KIAA1217: variants seen among roughly 807,000 people sequenced by gnomAD.
KIAA1217 encodes the protein sickle tail protein homolog.
A neutral mutation model predicts 163.9 loss-of-function variants in KIAA1217; 88 were observed. The ratio of observed to expected loss-of-function variants is 0.54; its 90% confidence interval spans 0.45 to 0.64. KIAA1217 has a LOEUF of 0.64. Ranked by LOEUF, KIAA1217 falls within the 30% of genes least tolerant of loss-of-function variation. The pLI, the probability that KIAA1217 is intolerant of heterozygous loss-of-function variation, is 0.00. For missense variants in KIAA1217, 2,372 were observed against 2,475.0 expected (o/e 0.96, Z 0.88); for synonymous variants, 903 against 923.1 (o/e 0.98, Z 0.39).
chr10:23,824,658 A>AAAAATATAT (rs1837805755), intron 1 of KIAA1217, among the ~76,000 whole-genome samples: 1 of 53,038 alleles, frequency 1.9e-5, no homozygotes, highest in Non-Finnish European at 3.6e-5. Context: ...AAATAAAAAA[A>AAAAATATAT]ATATATATAT....
At chr10:24,379,583 G>A (rs1357309780) in intron 2 of KIAA1217, among the ~76,000 whole-genome samples, 1 of 152,142 alleles carries the variant, frequency 6.6e-6, no homozygotes, top group East Asian at 1.9e-4. Flanking sequence ...TCTGGATAAT[G>A]CAATTGGTTC....
At chr10:23,704,021 G>A (rs947078957) in intron 1 of KIAA1217, among the ~76,000 whole-genome samples, 1 of 150,018 alleles carries the variant, frequency 6.7e-6, no homozygotes, top group African/African-American at 2.4e-5. Flanking sequence ...ATCAGGGTGG[G>A]TCTTTGGAAA....
At chr10:23,881,138 C>T (rs1487566325) in intron 1 of KIAA1217, among the ~76,000 whole-genome samples, 1 of 151,426 alleles carries the variant, frequency 6.6e-6, no homozygotes, top group Admixed American at 6.6e-5. Context: ...TAGTAGTTCA[C>T]TATGGTGTGA....
Position 24,259,951 on chromosome 10 carries a change from A to G in KIAA1217, c.354+40042A>G, listed in dbSNP as rs536666470. Among the ~76,000 whole-genome samples, 1,265 of 152,324 alleles carry G rather than the reference A, an allele frequency of 8.3e-3. 10 individuals carry two copies. Among genetic ancestry groups the G allele is most frequent in the South Asian group, 0.026 (125 of 4,830 alleles). On this transcript the variant is annotated intron_variant, in intron 2 of 20. Coordinates refer to ENST00000376454, the MANE Select transcript of KIAA1217 (RefSeq NM_019590.5). ...CATTCCATCTGTTGTGTTTTGGCAC[A>G]AGTGCTCAAAAGAGCTCAGGTGTCT...
chr10:24,409,841 G>T (rs1416530035), intron 3 of KIAA1217, among the ~76,000 whole-genome samples: 1 of 151,982 alleles, frequency 6.6e-6, no homozygotes, highest in Non-Finnish European at 1.5e-5. Context: ...GAGAGCATAC[G>T]ATGTTTGGTT....
intron 1 of KIAA1217, among the ~76,000 whole-genome samples, chr10:23,744,608 A>T (rs1839295734): frequency 6.6e-6 from 1 of 152,224 alleles, no homozygotes; most frequent in South Asian, 2.1e-4. Flanking sequence ...AAAAGGCATG[A>T]TGGAAATGAT....
chr10:23,948,082 G>A (rs754579167), intron 1 of KIAA1217, among the ~76,000 whole-genome samples: 11 of 152,062 alleles, frequency 7.2e-5, no homozygotes, highest in South Asian at 2.1e-4. Flanking sequence ...GTTTGCTTTC[G>A]TGAGGTTGTT....
At chr10:24,429,630 C>A (rs960203267) in intron 3 of KIAA1217, among the ~76,000 whole-genome samples, 6 of 152,120 alleles carry the variant, frequency 3.9e-5, no homozygotes, top group Admixed American at 2.0e-4. Flanking sequence ...TCCAAATGCT[C>A]CCCCTTTTTC....
intron 2 of KIAA1217, among the ~76,000 whole-genome samples, chr10:24,340,212 C>T (rs1014996118): frequency 9.2e-5 from 14 of 152,114 alleles, no homozygotes; most frequent in South Asian, 2.1e-4. Context: ...ATGGCTTGGC[C>T]GTGTCCCCAC....
intron 3 of KIAA1217, among the ~76,000 whole-genome samples, chr10:24,384,772 G>A (rs544092740): frequency 1.4e-4 from 21 of 152,344 alleles, no homozygotes; most frequent in Admixed American, 3.3e-4. Context: ...TCCTGACCTC[G>A]TGATCCGCCT....
At chr10:24,515,429 G>A (rs936078561) in intron 10 of KIAA1217, among the ~76,000 whole-genome samples, 1 of 152,110 alleles carries the variant, frequency 6.6e-6, no homozygotes, top group Non-Finnish European at 1.5e-5. Flanking sequence ...CTCACTTCTG[G>A]CCTAGAAAAG....
intron 1 of KIAA1217, among the ~76,000 whole-genome samples, chr10:23,821,583 AT>A (rs1289423221): frequency 6.6e-6 from 1 of 152,204 alleles, no homozygotes; most frequent in African/African-American, 2.4e-5. Context: ...CCTTCTTTTA[AT>A]AGCCAGTTTC....
At chr10:23,732,042 T>C (rs921711111) in intron 1 of KIAA1217, among the ~76,000 whole-genome samples, 3 of 152,148 alleles carry the variant, frequency 2.0e-5, no homozygotes, top group African/African-American at 7.2e-5. Context: ...ATAGTATTAA[T>C]CTATAGTTTT....
intron 1 of KIAA1217, among the ~76,000 whole-genome samples, chr10:23,984,870 T>C (rs1845908187): frequency 6.6e-6 from 1 of 151,842 alleles, no homozygotes; most frequent in African/African-American, 2.4e-5. Context: ...ATGGCACATC[T>C]ATACCTATAT....
intron 5 of KIAA1217, among the ~76,000 whole-genome samples, chr10:24,469,651 A>G (rs553236548): frequency 4.0e-5 from 6 of 151,634 alleles, no homozygotes; most frequent in African/African-American, 1.5e-4. Flanking sequence ...TCACTTTGTC[A>G]CCCAGGCTGG....
chr10:24,085,910 C>T (rs1410841410), intron 2 of KIAA1217, among the ~76,000 whole-genome samples: 1 of 151,924 alleles, frequency 6.6e-6, no homozygotes, highest in African/African-American at 2.4e-5. Flanking sequence ...GAGGTTGAGG[C>T]TGCGGTGGGC....
intron 2 of KIAA1217, among the ~76,000 whole-genome samples, chr10:24,140,108 C>T (rs933524332): frequency 2.0e-5 from 3 of 151,854 alleles, no homozygotes; most frequent in African/African-American, 4.8e-5. Context: ...ACCTGTAATC[C>T]CAGCACTTTG....
chr10:24,078,488 G>C (rs1037835763), intron 2 of KIAA1217, among the ~76,000 whole-genome samples: 1 of 152,192 alleles, frequency 6.6e-6, no homozygotes, highest in African/African-American at 2.4e-5. Flanking sequence ...CTTTTCTCTT[G>C]AGTGAGAATT....
chr10:24,099,199 T>A (rs112085577), intron 2 of KIAA1217, among the ~76,000 whole-genome samples: 2 of 149,910 alleles, frequency 1.3e-5, no homozygotes, highest in Non-Finnish European at 3.0e-5. Context: ...TTTTTTTTTT[T>A]AATACTTTAA....
Sources: allele counts gnomAD v4.1 joint callset (sites outside exome capture counted in the v4.1 genomes callset), GRCh38; gene constraint gnomAD v4.1.1; transcripts MANE v1.5; gene names NCBI Gene and HGNC (gene_info 2026-07-23, HGNC 2026-07-21).